KCNJ15: variants seen among roughly 807,000 people sequenced by gnomAD.
The protein encoded by KCNJ15 is potassium inwardly rectifying channel subfamily J member 15.
In KCNJ15, 14 loss-of-function variants were observed where a neutral mutation model predicts 23.0. The ratio of observed to expected loss-of-function variants is 0.61; its 90% CI spans 0.40 to 0.95. KCNJ15 has a LOEUF of 0.95. Among genes scored for constraint, KCNJ15 ranks in the 40% least tolerant of loss-of-function variants. The pLI is 0.00. For synonymous variants in KCNJ15, 185 were observed against 183.2 expected, an observed-to-expected ratio of 1.01 and a Z score of -0.08; for missense variants, 388 against 461.8, an observed-to-expected ratio of 0.84 and a Z score of 1.46.
At chr21:38,284,785 C>T (rs1983717125) in intron 1 of KCNJ15, among the ~76,000 whole-genome samples, 1 of 152,192 alleles carries the variant, frequency 6.6e-6, no homozygotes, top group Non-Finnish European at 1.5e-5. Flanking sequence ...TACTCAATAT[C>T]CTCCTCGTTT....
Position 38,299,472 on chromosome 21 carries a change from G to A in KCNJ15, c.211G>A (p.Ala71Thr), listed in dbSNP as rs199857043. ...GTGGAGATACAAACTCACCCTGTTC[G>A]CTGCCACTTTTGTGATGACCTGGTT... ...MKWRYKLTLF[A>T]ATFVMTWFLF... is the part of the protein sequence containing the mutation. Residue 71 changes from alanine to threonine, a missense_variant, in exon 3 of 3, where the codon GCT becomes ACT. Coordinates refer to ENST00000398938, the MANE Select transcript of KCNJ15 (RefSeq NM_170736.3). The surrounding 1 kb of genome is among the most constrained non-coding windows in gnomAD (Gnocchi z 4.5). 13 of 1,614,172 alleles carry A rather than the reference G, an allele frequency of 8.1e-6. No individual in the cohort carries two copies. Among genetic ancestry groups the A allele is most frequent in the East Asian group, 4.5e-5 (2 of 44,882 alleles).
chr21:38,242,748 C>T (rs1204579590), intron 1 of KCNJ15, among the ~76,000 whole-genome samples: 3 of 152,122 alleles, frequency 2.0e-5, no homozygotes, highest in Non-Finnish European at 4.4e-5. Flanking sequence ...GGACACCTTC[C>T]CCTCCTGCCA....
At chr21:38,238,548 C>CATGT in intron 1 of KCNJ15, 1 of 637,120 alleles carries the variant, frequency 1.6e-6, no homozygotes, top group Non-Finnish European at 3.0e-6. Flanking sequence ...GGACATGGTG[C>CATGT]ATGTGCTGGG....
chr21:38,249,679 G>A (rs1219007166), intron 1 of KCNJ15, among the ~76,000 whole-genome samples: 2 of 152,202 alleles, frequency 1.3e-5, no homozygotes, highest in African/African-American at 4.8e-5. Context: ...TCAGAAGCCT[G>A]ACTTTGGCTC....
upstream of KCNJ15, among the ~76,000 whole-genome samples, chr21:38,253,769 A>C (rs191256629): frequency 6.6e-6 from 1 of 152,238 alleles, no homozygotes; most frequent in Admixed American, 6.5e-5. Flanking sequence ...TCTTCTGCCC[A>C]GTATTCAGAT....
At chr21:38,248,332 A>G (rs2123573959) in intron 1 of KCNJ15, among the ~76,000 whole-genome samples, 2 of 152,366 alleles carry the variant, frequency 1.3e-5, no homozygotes, top group Middle Eastern at 3.4e-3. Context: ...GAAAGTTAGA[A>G]AGTTAACTAA....
intron 1 of KCNJ15, among the ~76,000 whole-genome samples, chr21:38,233,581 A>G (rs1355773625): frequency 1.3e-5 from 2 of 152,070 alleles, no homozygotes; most frequent in Non-Finnish European, 2.9e-5. Context: ...GATTTTTAGT[A>G]TATTTTTAGC....
intron 1 of KCNJ15, among the ~76,000 whole-genome samples, chr21:38,285,148 C>T (rs1200244442): frequency 6.6e-6 from 1 of 152,182 alleles, no homozygotes; most frequent in Non-Finnish European, 1.5e-5. Flanking sequence ...ACACGTTGCC[C>T]ACTTACGAGA....
At chr21:38,258,887 C>G (rs1980572030) in intron 1 of KCNJ15, among the ~76,000 whole-genome samples, 1 of 152,086 alleles carries the variant, frequency 6.6e-6, no homozygotes, top group Non-Finnish European at 1.5e-5. Flanking sequence ...CTGCACATGC[C>G]AGCAAACCTG....
At chr21:38,259,936 A>G (rs1980703069) in intron 1 of KCNJ15, among the ~76,000 whole-genome samples, 1 of 152,182 alleles carries the variant, frequency 6.6e-6, no homozygotes, top group Non-Finnish European at 1.5e-5. Context: ...CAAGCAATCT[A>G]AGAAGTGCTA....
Position 38,238,758 on chromosome 21 carries a change from G to C in KCNJ15, c.-398-18288G>C. The C allele has an allele frequency of 8.2e-6, 3 of 365,106 alleles. No homozygotes were observed. The South Asian group carries it at 8.5e-5, about 10-fold the overall frequency. The allele number at this position is 365,106 out of a possible 1,614,324, so 22.6% of individuals were successfully genotyped here. On this transcript the variant is annotated intron_variant, in intron 1 of 4. Transcript: ENST00000547341. The stretch of plus-strand genomic sequence containing the variant: ...TTTCCCCACTGGAAGGAAAAGAGGG[G>C]AGAAGAGTCAGAATGATTAGATAAA...
Position 38,299,612 on chromosome 21 carries a change from G to T in KCNJ15, c.351G>T (p.Ala117=). 2 of 1,614,078 alleles carry T rather than the reference G, an allele frequency of 1.2e-6. No individual in the cohort carries two copies. Among genetic ancestry groups the T allele is most frequent in the Non-Finnish European group, 1.7e-6 (2 of 1,180,004 alleles). The part of the protein sequence containing the change: ...CIMKVDSLTG[A]FLFSLESQTT... ...TGAAAGTGGACTCTCTCACTGGGGC[G>T]TTTCTCTTTTCCCTGGAATCCCAGA... The change falls in exon 3 of 3, where the codon GCG becomes GCT. Residue 117 remains alanine, a synonymous_variant. Coordinates refer to ENST00000398938, the MANE Select transcript of KCNJ15 (RefSeq NM_170736.3). This position sits in a 1 kb window ranked among gnomAD's most constrained non-coding sequence, Gnocchi z 4.5.
chr21:38,262,267 A>G (rs1015045817), intron 1 of KCNJ15, among the ~76,000 whole-genome samples: 1 of 152,222 alleles, frequency 6.6e-6, no homozygotes, highest in Non-Finnish European at 1.5e-5. Flanking sequence ...TAGGAGGTAA[A>G]GAAAATATAA....
At chr21:38,245,694 AAGAAG>A (rs1258629615) in intron 1 of KCNJ15, among the ~76,000 whole-genome samples, 1 of 151,964 alleles carries the variant, frequency 6.6e-6, no homozygotes, top group Non-Finnish European at 1.5e-5. Context: ...GGAAGAAAGA[AAGAAG>A]GAAAGGAAAG....
chr21:38,257,250 A>T (rs1481453321), intron 1 of KCNJ15, 65 bp downstream of exon 1: 1 of 152,150 alleles, frequency 6.6e-6, no homozygotes, highest in African/African-American at 2.4e-5. Context: ...ATTTTTGAAA[A>T]ACTTTACTTC....
chr21:38,261,426 T>A (rs575831674), intron 1 of KCNJ15, among the ~76,000 whole-genome samples: 1 of 152,228 alleles, frequency 6.6e-6, no homozygotes, highest in African/African-American at 2.4e-5. Context: ...AAAGCCCTGA[T>A]ACTTGTCTCT....
upstream of KCNJ15, among the ~76,000 whole-genome samples, chr21:38,254,568 T>G (rs1254861483): frequency 6.6e-6 from 1 of 152,212 alleles, no homozygotes; most frequent in African/African-American, 2.4e-5. Flanking sequence ...TCATGCAGTA[T>G]GTAACTCGAT....
intron 1 of KCNJ15, among the ~76,000 whole-genome samples, chr21:38,266,883 C>T (rs1481356121): frequency 1.3e-5 from 2 of 152,154 alleles, no homozygotes; most frequent in Non-Finnish European, 2.9e-5. Context: ...TCTCTAGAAG[C>T]CACACCCTTA....
At chr21:38,288,018 G>GTTTTTTTTTT (rs1395005811) in intron 1 of KCNJ15, among the ~76,000 whole-genome samples, 6 of 26,016 alleles carry the variant, frequency 2.3e-4, no homozygotes, top group Non-Finnish European at 6.1e-4. Context: ...TAAATAACTT[G>GTTTTTTTTTT]TTTTTTTCTT....
Sources: allele counts gnomAD v4.1 joint callset (sites outside exome capture counted in the v4.1 genomes callset), GRCh38; gene constraint gnomAD v4.1.1; non-coding constraint Gnocchi (gnomAD v3.1); transcripts MANE v1.5; gene names NCBI Gene and HGNC (gene_info 2026-07-23, HGNC 2026-07-21).